Variants in SCAPER observed in about 807,000 individuals in gnomAD.
The protein encoded by SCAPER is S phase cyclin A-associated protein in the endoplasmic reticulum.
A neutral mutation model predicts 182.2 loss-of-function variants in SCAPER; 98 were observed. The ratio of observed to expected loss-of-function variants is 0.54; its 90% CI spans 0.46 to 0.64. The LOEUF is 0.64. SCAPER is among the 30% of genes least tolerant of loss of function. SCAPER has a pLI of 0.00. For missense variants in SCAPER, 1,432 were observed against 1,690.0 expected (o/e 0.85, Z 2.68); for synonymous variants, 605 against 564.6 (o/e 1.07, Z -1.01).
chr15:76,480,603 T>C (rs1399719005), intron 24 of SCAPER, among the ~76,000 whole-genome samples: 1 of 152,254 alleles, frequency 6.6e-6, no homozygotes, highest in Non-Finnish European at 1.5e-5. Context: ...CCCCTCATAC[T>C]GTGCAGCACA....
chr15:76,350,089 C>T (rs1311198924), intron 31 of SCAPER: 2 of 152,208 alleles, frequency 1.3e-5, no homozygotes, highest in Non-Finnish European at 1.5e-5. Flanking sequence ...GCTGATTTCT[C>T]CCCAAGTATC....
chr15:76,444,834 T>C (rs1314409826), intron 25 of SCAPER, among the ~76,000 whole-genome samples: 1 of 152,212 alleles, frequency 6.6e-6, no homozygotes, highest in Admixed American at 6.5e-5. Flanking sequence ...GTTCTTCAGA[T>C]TGGGTAATTT....
intron 22 of SCAPER, among the ~76,000 whole-genome samples, chr15:76,580,607 T>C (rs753276665): frequency 1.3e-5 from 2 of 152,030 alleles, no homozygotes; most frequent in Non-Finnish European, 2.9e-5. Context: ...AAAAAAAATC[T>C]TGAAAATATT....
At chr15:76,583,824 TATTATA>T (rs1163461852) in intron 22 of SCAPER, among the ~76,000 whole-genome samples, 3 of 152,222 alleles carry the variant, frequency 2.0e-5, no homozygotes, top group Non-Finnish European at 4.4e-5. Context: ...GGTGGGAATG[TATTATA>T]AATTAGTAAA....
chr15:76,690,377 G>T (rs2058287697), intron 20 of SCAPER, among the ~76,000 whole-genome samples: 1 of 152,074 alleles, frequency 6.6e-6, no homozygotes, highest in South Asian at 2.1e-4. Flanking sequence ...AAAAGATTGA[G>T]AAACTGTCAC....
At chr15:76,511,841 ATATGTGTGTGTGTG>A (rs1229815124) in intron 23 of SCAPER, among the ~76,000 whole-genome samples, 1 of 104,832 alleles carries the variant, frequency 9.5e-6, no homozygotes, top group Non-Finnish European at 1.8e-5. Context: ...ATATATATAT[ATATGTGTGTGTGTG>A]TGTGTGTGTG....
chr15:76,632,965 G>A (rs2053254939), intron 21 of SCAPER, among the ~76,000 whole-genome samples: 1 of 151,882 alleles, frequency 6.6e-6, no homozygotes, highest in Non-Finnish European at 1.5e-5. Flanking sequence ...AATAGAGACA[G>A]GGTTTCACCA....
intron 2 of SCAPER, 45 bp downstream of exon 2, chr15:76,883,767 G>C: frequency 6.9e-7 from 1 of 1,440,686 alleles, no homozygotes; most frequent in Non-Finnish European, 9.4e-7. Flanking sequence ...AGGAAGAAAA[G>C]AGAAAGGCAA....
rs918249904 is a variant in SCAPER at position 76,348,636 on chromosome 15, T to G, written c.4200A>C (p.Lys1400Asn). The change falls in exon 32 of 32, where the codon AAA (lysine) becomes AAC (asparagine). Residue 1400 changes from lysine to asparagine, a missense_variant. Coordinates refer to ENST00000563290, the MANE Select transcript of SCAPER (RefSeq NM_020843.4). ...AATACAGAATCAACCAAAACATTTA[T>G]TTTTTCTCTTTTTTCAAGAAAAACT... ...ARQFFLKKEK[K>N] is the part of the protein sequence containing the mutation. 2.6e-6 allele frequency: 4 copies of G among 1,533,680 alleles called. No homozygotes were observed. Among genetic ancestry groups the G allele is most frequent in the Non-Finnish European group, 3.5e-6 (4 of 1,138,290 alleles).
intron 22 of SCAPER, among the ~76,000 whole-genome samples, chr15:76,614,290 A>G (rs2051261406): frequency 6.6e-6 from 1 of 152,140 alleles, no homozygotes; most frequent in South Asian, 2.1e-4. Context: ...AAAAATAACT[A>G]AGGAGTCTCA....
At chr15:76,398,025 A>C (rs1156673681) in intron 27 of SCAPER, among the ~76,000 whole-genome samples, 1 of 152,132 alleles carries the variant, frequency 6.6e-6, no homozygotes. Flanking sequence ...TTAAAATACC[A>C]CCATATATAT....
At chr15:76,436,134 C>T (rs866004235) in intron 25 of SCAPER, among the ~76,000 whole-genome samples, 1 of 152,192 alleles carries the variant, frequency 6.6e-6, no homozygotes, top group Non-Finnish European at 1.5e-5. Context: ...GTGGCACGAT[C>T]TCAGCTCTCT....
chr15:76,653,889 A>G (rs749398762), intron 21 of SCAPER, among the ~76,000 whole-genome samples: 1 of 152,216 alleles, frequency 6.6e-6, no homozygotes, highest in South Asian at 2.1e-4. Flanking sequence ...GATTCTGCAC[A>G]TCAAAATAAA....
At chr15:76,389,347 G>A (rs1370969438) in intron 27 of SCAPER, among the ~76,000 whole-genome samples, 1 of 150,558 alleles carries the variant, frequency 6.6e-6, no homozygotes, top group Middle Eastern at 3.5e-3. Context: ...CTAAAAATAC[G>A]AAAATTAGCC....
chr15:76,855,222 T>C (rs1230622326), intron 4 of SCAPER, among the ~76,000 whole-genome samples: 1 of 152,142 alleles, frequency 6.6e-6, no homozygotes, highest in Non-Finnish European at 1.5e-5. Context: ...TGGGTAGCCA[T>C]ATGCAGAAGA....
chr15:76,508,127 C>T (rs1416261905), intron 23 of SCAPER, among the ~76,000 whole-genome samples: 1 of 152,190 alleles, frequency 6.6e-6, no homozygotes, highest in African/African-American at 2.4e-5. Context: ...GACTTTTAAA[C>T]TCATGAATTC....
chr15:76,423,553 A>G (rs1169468926), intron 26 of SCAPER, among the ~76,000 whole-genome samples: 3 of 152,018 alleles, frequency 2.0e-5, no homozygotes, highest in Admixed American at 6.6e-5. Flanking sequence ...AATTTTGTTG[A>G]TCTTTTCAAA....
chr15:76,421,792 T>A (rs1408361880), intron 26 of SCAPER, among the ~76,000 whole-genome samples: 2 of 152,214 alleles, frequency 1.3e-5, no homozygotes, highest in Non-Finnish European at 2.9e-5. Flanking sequence ...TTGAATTAAG[T>A]TTTGTATAAG....
chr15:76,397,474 CTTTTTTTTT>C (rs71143321), intron 27 of SCAPER, among the ~76,000 whole-genome samples: 1 of 71,538 alleles, frequency 1.4e-5, no homozygotes, highest in Non-Finnish European at 2.5e-5. Context: ...TATTGGCAGA[CTTTTTTTTT>C]TTTTTTTTTT....
Sources: allele counts gnomAD v4.1 joint callset (sites outside exome capture counted in the v4.1 genomes callset), GRCh38; gene constraint gnomAD v4.1.1; transcripts MANE v1.5; gene names NCBI Gene and HGNC (gene_info 2026-07-23, HGNC 2026-07-21).